Variants in FLG observed in about 807,000 individuals in gnomAD.
FLG encodes the protein epidermal filaggrin.
In FLG, 6 loss-of-function variants were observed where a neutral mutation model predicts 3.8. That is an observed-to-expected ratio of 1.60 (90% CI 0.87 to 3.15). The LOEUF (loss-of-function observed/expected upper bound fraction) is 3.15, where lower values mean the gene tolerates loss of function less well. Ranked by LOEUF, FLG falls within the 30% of genes most tolerant of loss-of-function variation. The pLI, the probability that FLG is intolerant of heterozygous loss-of-function variation, is 0.00. For missense variants in FLG, 7,595 were observed against 5,050.9 expected (o/e 1.50, Z -15.27); for synonymous variants, 2,551 against 1,931.6 (o/e 1.32, Z -8.41).
At chr1:152,323,300 G>A (rs1653038942) in intron 1 of FLG, among the ~76,000 whole-genome samples, 7 of 151,646 alleles carry the variant, frequency 4.6e-5, no homozygotes. Flanking sequence ...CTGATAAATT[G>A]TACTGCATTA....
rs778455411 is a variant in FLG, at chr1:152,309,507, G to A, written c.5379C>T (p.Arg1793=). 1 of 1,613,830 alleles carries A rather than the reference G, an allele frequency of 6.2e-7. No homozygotes were observed. Among genetic ancestry groups the A allele is most frequent in the Non-Finnish European group, 8.5e-7 (1 of 1,179,952 alleles). ...GPSTGGRQRS[R]HEQARDSSRH... ...TGGAGCTGTCTCGTGCCTGCTCGTG[G>A]CGGGATCTTTGTCTTCCTCCAGTGC... The change falls in exon 3 of 3, where the codon CGC becomes CGT. Residue 1793 remains arginine, a synonymous_variant. Transcript: ENST00000368799.
In FLG at chr1:152,313,916, A is replaced by G; in HGVS notation, c.970T>C (p.Ser324Pro). Residue 324 changes from serine to proline, a missense_variant, in exon 3 of 3, where the codon TCT becomes CCT. Transcript: ENST00000368799. The part of the protein sequence containing the change: ...SGSASRNHHG[S>P]AWEQSRDGSR... Reference sequence around the variant, plus strand: ...CCATCTCTTGACTGCTCCCACGCAGATCCATGATGGTTTCTGGAAGCCGAC... The same window carrying G: ...CCATCTCTTGACTGCTCCCACGCAGGTCCATGATGGTTTCTGGAAGCCGAC... 1 of 1,613,602 alleles carries G rather than the reference A, an allele frequency of 6.2e-7. No individual in the cohort carries two copies.
chr1:152,314,192 G>T lies in FLG; in HGVS notation c.694C>A (p.His232Asn). ...RMTQKWIQSG[H>N]IATYYTIQDE... is the part of the protein sequence containing the mutation. The stretch of plus-strand genomic sequence containing the variant: ...TGGATTGTGTAATATGTGGCAATAT[G>T]GCCTGATTGTATCCATTTTTGAGTC... Residue 232 changes from histidine (H) to asparagine (N), a missense_variant, in exon 3 of 3, where the codon CAT (histidine) becomes AAT (asparagine). His to Asn is a moderately conservative substitution (Grantham distance 68). Coordinates refer to ENST00000368799, the MANE Select transcript of FLG (RefSeq NM_002016.2). 1 of 1,613,928 alleles carries T rather than the reference G, an allele frequency of 6.2e-7. No individual in the cohort carries two copies. The highest frequency in any genetic ancestry group is 8.5e-7 in the Non-Finnish European group (1 of 1,179,984).
Position 152,310,595 on chromosome 1 carries a change from A to G in FLG, c.4291T>C (p.Ser1431Pro). 1.2e-6 allele frequency: 2 copies of G among 1,613,882 alleles called. No individual in the cohort carries two copies. The highest frequency in any genetic ancestry group is 1.7e-6 in the Non-Finnish European group (2 of 1,179,962). ...CTTGAACGTCCAGAGCTTTCCCCTG[A>G]CTGGCCACGTGCGGACTCTTTGTGG... The part of the protein sequence containing the change: ...QSHKESARGQ[S>P]GESSGRSRSF... Residue 1431 changes from serine (S) to proline (P), a missense_variant, in exon 3 of 3, where the codon TCA becomes CCA. By Grantham distance (74) the Ser-to-Pro change is moderately conservative (BLOSUM62 -1). Coordinates refer to ENST00000368799, the MANE Select transcript of FLG (RefSeq NM_002016.2).
chr1:152,314,574 G>C lies in FLG; in HGVS notation c.312C>G (p.His104Gln), dbSNP rs777594283. Residue 104 changes from histidine to glutamine, a missense_variant, in exon 3 of 3, where the codon CAC becomes CAG. Transcript: ENST00000368799. Reference sequence around the variant, plus strand: ...TATCTTCATGTTTATCATGATGACTGTGCTTTCTGTGCTTGTGTCCTGATA... The same window carrying C: ...TATCTTCATGTTTATCATGATGACTCTGCTTTCTGTGCTTGTGTCCTGATA... Reference protein sequence around the residue: ...LPISGHKHRKHSHHDKHEDNK... With the variant: ...LPISGHKHRKQSHHDKHEDNK... The C allele has an allele frequency of 1.7e-5, 28 of 1,613,392 alleles. No individual in the cohort carries two copies. Among genetic ancestry groups the C allele is most frequent in the Middle Eastern group, 3.3e-4 (2 of 6,076 alleles).
Position 152,303,407 on chromosome 1 carries a change from C to CCGAG in FLG, c.11478_11479insCTCG (p.Gly3827LeufsTer7). On this transcript the variant is annotated frameshift_variant, in exon 3 of 3. Coordinates refer to ENST00000368799, the MANE Select transcript of FLG (RefSeq NM_002016.2). LOFTEE classifies it low-confidence loss of function (END_TRUNC). ...GTGGAAGCTTCATGGTGACGCGACC[C>CCGAG]TGAGTGCCTGGAGCCGTCTCCTGAC... The CCGAG allele has an allele frequency of 6.2e-7, 1 of 1,614,092 alleles. No homozygotes were observed. The highest frequency in any genetic ancestry group is 1.7e-5 in the Admixed American group (1 of 60,016).
In FLG at chr1:152,307,131, C is replaced by A. The variant is rs771306031; in HGVS notation, c.7755G>T (p.Gly2585=). The A allele has an allele frequency of 1.9e-6, 3 of 1,612,318 alleles. No individual in the cohort carries two copies. The highest frequency in any genetic ancestry group is 2.5e-6 in the Non-Finnish European group (3 of 1,179,936). The change falls in exon 3 of 3, where the codon GGG becomes GGT. Residue 2585 remains glycine (G), a synonymous_variant. Transcript: ENST00000368799. Reference sequence around the variant, plus strand: ...ATCCATGATGGTTTCTGGAAGCAGACCCAGACCACCTCTCAGAGTCTTCTG... The same window carrying A: ...ATCCATGATGGTTTCTGGAAGCAGAACCAGACCACCTCTCAGAGTCTTCTG... ...GHSEDSERWS[G]SASRNHHGSA...
In FLG at chr1:152,325,236, G is replaced by T. The variant is rs1019164537; in HGVS notation, c.-69C>A. 1 of 151,868 alleles carries T rather than the reference G, an allele frequency of 6.6e-6. No homozygotes were observed. The highest frequency in any genetic ancestry group is 1.5e-5 in the Non-Finnish European group (1 of 67,868). The allele number at this position is 151,868 out of a possible 1,614,324, so 9.4% of individuals were successfully genotyped here. ...AGAATGTAGCCTGAAGGAGCCTGCT[G>T]GGTACTGAAGGCTGAGATAATGGCC... On this transcript the variant is annotated 5_prime_UTR_variant, in exon 1 of 3. Coordinates refer to ENST00000368799, the MANE Select transcript of FLG (RefSeq NM_002016.2).
At position 152,312,048 on chromosome 1, in the gene FLG, A is replaced by C. The variant is rs149967165; in HGVS notation, c.2838T>G (p.Val946=). 681 of 1,614,040 alleles carry C rather than the reference A, an allele frequency of 4.2e-4. No homozygotes were observed. Among genetic ancestry groups the C allele is most frequent in the Admixed American group, 2.2e-3 (130 of 60,016 alleles). Residue 946 remains valine, a synonymous_variant, in exon 3 of 3, where the codon GTT becomes GTG. Transcript: ENST00000368799. ...GTCCCTCACTGTCACTGTCCTGGCTAACACTGGATCCCTGGCGCCTGCTTG... is the reference window on the plus strand; with the variant it reads ...GTCCCTCACTGTCACTGTCCTGGCTCACACTGGATCCCTGGCGCCTGCTTG... ...SRTSRRQGSS[V]SQDSDSEGHS...
chr1:152,308,971 T>A lies in FLG; in HGVS notation c.5915A>T (p.Asp1972Val), dbSNP rs748278301. The A allele has an allele frequency of 6.2e-6, 10 of 1,614,066 alleles. No individual in the cohort carries two copies. In the African/African-American group the frequency reaches 1.1e-4, roughly 17 times the overall value. ...EDRAGHGHSA[D>V]SSRQSGTRHT... Reference sequence around the variant, plus strand: ...ACGAGTGCCTGATTGTCTGGAGCTGTCTGCAGAGTGCCCGTGACCGGCTCT... The same window carrying A: ...ACGAGTGCCTGATTGTCTGGAGCTGACTGCAGAGTGCCCGTGACCGGCTCT... Residue 1972 changes from aspartate (D) to valine (V), a missense_variant, in exon 3 of 3, where the codon GAC becomes GTC. Physicochemically the swap from Asp to Val is radical, Grantham distance 152. Coordinates refer to ENST00000368799, the MANE Select transcript of FLG (RefSeq NM_002016.2).
Position 152,305,002 on chromosome 1 carries a change from C to A in FLG, c.9884G>T (p.Arg3295Ile). The A allele has an allele frequency of 6.2e-7, 1 of 1,613,884 alleles. No individual in the cohort carries two copies. Among genetic ancestry groups the A allele is most frequent in the Non-Finnish European group, 8.5e-7 (1 of 1,179,970 alleles). Reference sequence around the variant, plus strand: ...TCCGTGTCTCTCTCCTGGACTTGATCTTGCCTGTTCATGGGATGATGCAGC... The same window carrying A: ...TCCGTGTCTCTCTCCTGGACTTGATATTGCCTGTTCATGGGATGATGCAGC... The part of the protein sequence containing the change: ...GQAASSHEQA[R>I]SSPGERHGSR... Residue 3295 changes from arginine (R) to isoleucine (I), a missense_variant, in exon 3 of 3, where the codon AGA becomes ATA. Arg to Ile is a moderately conservative substitution (Grantham distance 97). Transcript: ENST00000368799.
In FLG at chr1:152,310,785, G is replaced by C; in HGVS notation, c.4101C>G (p.Ser1367Arg). The C allele has an allele frequency of 1.9e-6, 3 of 1,611,998 alleles. No homozygotes were observed. The highest frequency in any genetic ancestry group is 2.5e-6 in the Non-Finnish European group (3 of 1,179,170). Residue 1367 changes from serine (S) to arginine (R), a missense_variant, in exon 3 of 3, where the codon AGC becomes AGG. Coordinates refer to ENST00000368799, the MANE Select transcript of FLG (RefSeq NM_002016.2). ...TGTGCCCAATGCCTGAGTGTCTGGA[G>C]CTGTCTGCTGACTGCTGGTGGCGGG... ...HGSRHQQSAD[S>R]SRHSGIGHRQ...
rs1460603025 is a variant in FLG at position 152,304,361 on chromosome 1, C to G, written c.10525G>C (p.Ala3509Pro). 1.9e-6 allele frequency: 3 copies of G among 1,611,764 alleles called. No individual in the cohort carries two copies. The Admixed American group carries it at 5.0e-5, about 27-fold the overall frequency. ...CTAGAGCTGTCCGCCTGAGTGGAAG[C>G]TTCATGGTGATGCGACCATGAGTGC... ...SRHSWSHHHE[A>P]STQADSSRHS... The change falls in exon 3 of 3, where the codon GCT (alanine) becomes CCT (proline). Residue 3509 changes from alanine to proline, a missense_variant. By Grantham distance (27) the Ala-to-Pro change is conservative. Transcript: ENST00000368799.
chr1:152,315,507 T>C, intron 1 of FLG, 30 bp from the exon 2 acceptor site: 1 of 1,522,760 alleles, frequency 6.6e-7, no homozygotes, highest in Non-Finnish European at 9.0e-7. Flanking sequence ...ATGCACTTTT[T>C]TATACATCTT....
chr1:152,321,221 T>C (rs953095910), intron 1 of FLG, among the ~76,000 whole-genome samples: 2 of 150,970 alleles, frequency 1.3e-5, no homozygotes, highest in Admixed American at 6.6e-5. Flanking sequence ...GTTGTGTGTG[T>C]ATATATATGT....
chr1:152,309,885 T>A lies in FLG; in HGVS notation c.5001A>T (p.Ala1667=), dbSNP rs1170870202. 1 of 1,613,960 alleles carries A rather than the reference T, an allele frequency of 6.2e-7. No individual in the cohort carries two copies. The highest frequency in any genetic ancestry group is 1.1e-5 in the South Asian group (1 of 91,054). The change falls in exon 3 of 3, where the codon GCA becomes GCT. Residue 1667 remains alanine, a synonymous_variant. Coordinates refer to ENST00000368799, the MANE Select transcript of FLG (RefSeq NM_002016.2). The part of the protein sequence containing the change: ...HAETSSGGQA[A]SSQEQARSSP... ...TTGACCTTGCCTGTTCCTGGGATGA[T>A]GCAGCCTGTCCACCAGAGGAAGTCT...
Position 152,305,524 on chromosome 1 carries a change from C to T in FLG, c.9362G>A (p.Arg3121Lys), listed in dbSNP as rs1468608647. ...RGHPGSSRGG[R>K]QGYHHEHSVD... is the part of the protein sequence containing the mutation. Reference sequence around the variant, plus strand: ...CGAATGCTCGTGGTGGTACCCCTGCCTTCCTCCTCTGCTTGACCCCGGGTG... The same window carrying T: ...CGAATGCTCGTGGTGGTACCCCTGCTTTCCTCCTCTGCTTGACCCCGGGTG... The change falls in exon 3 of 3, where the codon AGG becomes AAG. Residue 3121 changes from arginine (R) to lysine (K), a missense_variant. Transcript: ENST00000368799. The T allele has an allele frequency of 6.5e-6, 10 of 1,549,824 alleles. No individual in the cohort carries two copies. Among genetic ancestry groups the T allele is most frequent in the Non-Finnish European group, 8.7e-6 (10 of 1,154,766 alleles).
chr1:152,316,255 C>T (rs896469846), intron 1 of FLG, among the ~76,000 whole-genome samples: 1 of 151,938 alleles, frequency 6.6e-6, no homozygotes, highest in African/African-American at 2.4e-5. Context: ...ATTTTTGGAC[C>T]TTGGTTTGTT....
chr1:152,311,898 C>T lies in FLG; in HGVS notation c.2988G>A (p.Gly996=), dbSNP rs747131153. The T allele has an allele frequency of 3.7e-6, 6 of 1,613,984 alleles. No individual in the cohort carries two copies. Among genetic ancestry groups the T allele is most frequent in the South Asian group, 3.3e-5 (3 of 91,066 alleles). The change falls in exon 3 of 3, where the codon GGG becomes GGA. Residue 996 remains glycine, a synonymous_variant. Coordinates refer to ENST00000368799, the MANE Select transcript of FLG (RefSeq NM_002016.2). ...RSHHEDRAGH[G]HSADSSRQSG... ...ATTGTCTGGAGCTGTCTGCAGAGTG[C>T]CCGTGACCGGCTCTGTCTTCGTGAT... is the stretch of plus-strand genomic sequence containing the variant.
Sources: allele counts gnomAD v4.1 joint callset (sites outside exome capture counted in the v4.1 genomes callset), GRCh38; gene constraint gnomAD v4.1.1; transcripts MANE v1.5; gene names NCBI Gene and HGNC (gene_info 2026-07-23, HGNC 2026-07-21).